Variants in CENPK observed in about 807,000 individuals in gnomAD.
CENPK encodes the protein centromere protein K.
Under a neutral mutation model 40.9 loss-of-function variants are expected in CENPK, and 46 were observed. The ratio of observed to expected loss-of-function variants is 1.13; its 90% confidence interval spans 0.89 to 1.44. The LOEUF is 1.44. Ranked by LOEUF, CENPK falls within the 40% of genes most tolerant of loss-of-function variation. The pLI is 0.00. For synonymous variants in CENPK, 107 were observed against 104.4 expected (o/e 1.02, Z -0.15); for missense variants, 288 against 303.5 (o/e 0.95, Z 0.38).
chr5:65,496,769 A>T, the CENPK span, among the ~76,000 whole-genome samples: 1 of 152,128 alleles, frequency 6.6e-6, no homozygotes, highest in Non-Finnish European at 1.5e-5. Context: ...ATAAAAATAA[A>T]AAGGCTGGGT....
chr5:65,516,334 A>T (rs549176228), downstream of CENPK, among the ~76,000 whole-genome samples: 5 of 152,300 alleles, frequency 3.3e-5, no homozygotes, highest in African/African-American at 1.2e-4. Flanking sequence ...CTATTAATCG[A>T]TCTTTTGTTC....
chr5:65,559,456 C>T (rs1020379813), intron 2 of CENPK, among the ~76,000 whole-genome samples: 28 of 151,396 alleles, frequency 1.8e-4, no homozygotes, highest in Non-Finnish European at 1.6e-4. Flanking sequence ...GGTGAAACCC[C>T]GTCTCTACTA....
intron 2 of CENPK, among the ~76,000 whole-genome samples, chr5:65,557,524 G>A (rs1751191992): frequency 6.6e-6 from 1 of 152,194 alleles, no homozygotes; most frequent in Non-Finnish European, 1.5e-5. Flanking sequence ...GCCCAAAGTA[G>A]CACAAAAGGA....
chr5:65,536,604 C>G (rs1034639186), intron 6 of CENPK, among the ~76,000 whole-genome samples: 3 of 149,982 alleles, frequency 2.0e-5, no homozygotes, highest in Admixed American at 6.7e-5. Context: ...ACCGGGGCAA[C>G]AGAGTAATAA....
chr5:65,504,553 G>T, the CENPK span, among the ~76,000 whole-genome samples: 1 of 150,866 alleles, frequency 6.6e-6, no homozygotes, highest in African/African-American at 2.4e-5. Flanking sequence ...AATGTCTGAA[G>T]ATATGCACTT....
At chr5:65,546,230 C>T (rs375823337) in intron 5 of CENPK, among the ~76,000 whole-genome samples, 2 of 127,514 alleles carry the variant, frequency 1.6e-5, no homozygotes, top group East Asian at 3.4e-4. Context: ...TCTCCCCTGC[C>T]CCCCCGCTCA....
At chr5:65,543,858 C>T (rs1748423185) in intron 5 of CENPK, among the ~76,000 whole-genome samples, 1 of 152,270 alleles carries the variant, frequency 6.6e-6, no homozygotes, top group African/African-American at 2.4e-5. Context: ...TTTCTAAAGA[C>T]ATTTCCATGA....
chr5:65,556,652 T>G (rs1004014307), intron 2 of CENPK, among the ~76,000 whole-genome samples: 8 of 152,308 alleles, frequency 5.3e-5, no homozygotes, highest in Admixed American at 5.2e-4. Context: ...AAATTTAGTA[T>G]AGCCTAAGTG....
At chr5:65,561,423 A>G (rs1464316349) in intron 2 of CENPK, 40 bp downstream of exon 2, 1 of 428,754 alleles carries the variant, frequency 2.3e-6, no homozygotes, top group Non-Finnish European at 4.7e-6. Flanking sequence ...GTGGCAGTAG[A>G]ATAAAAACAT....
intron 2 of CENPK, among the ~76,000 whole-genome samples, chr5:65,559,270 G>C (rs1004888098): frequency 7.2e-5 from 11 of 152,206 alleles, no homozygotes; most frequent in Admixed American, 5.9e-4. Flanking sequence ...TTGAGCTACT[G>C]AATCTTAACC....
At chr5:65,522,511 C>T (rs556699297) in intron 9 of CENPK, among the ~76,000 whole-genome samples, 2 of 152,286 alleles carry the variant, frequency 1.3e-5, no homozygotes, top group East Asian at 3.9e-4. Context: ...CCACTGCAGC[C>T]TCAACTTCCT....
the CENPK span, among the ~76,000 whole-genome samples, chr5:65,506,058 G>T: frequency 6.6e-6 from 1 of 151,982 alleles, no homozygotes; most frequent in Admixed American, 6.6e-5. Context: ...CCTAATTTTG[G>T]TTCATTTGTT....
chr5:65,540,440 T>C (rs1318060372), intron 6 of CENPK, among the ~76,000 whole-genome samples: 1 of 152,224 alleles, frequency 6.6e-6, no homozygotes, highest in Non-Finnish European at 1.5e-5. Flanking sequence ...TATTGTGGTA[T>C]CTTTTCATAT....
At chr5:65,552,952 T>C (rs1356622472) in intron 3 of CENPK, among the ~76,000 whole-genome samples, 2 of 152,096 alleles carry the variant, frequency 1.3e-5, no homozygotes, top group Admixed American at 6.6e-5. Context: ...TTCTGTGCCA[T>C]TAAAAAAGTC....
rs1434817165 is a variant in CENPK, at chr5:65,561,934, CTT to C, written c.-141-372_-141-371del. 2.6e-5 allele frequency among the ~76,000 whole-genome samples: 4 copies of C among 152,056 alleles called. No homozygotes were observed. In the East Asian group the frequency reaches 7.8e-4, roughly 30 times the overall value. On this transcript the variant is annotated intron_variant, in intron 1 of 10. Coordinates refer to ENST00000396679, the MANE Select transcript of CENPK (RefSeq NM_022145.5). ...GCTTTAGCTGTGTAGATGAAAAAGTCTTTGTACTTGTAGAGCTTCCATTCTCA... is the reference window on the plus strand; with the variant it reads ...GCTTTAGCTGTGTAGATGAAAAAGTCTGTACTTGTAGAGCTTCCATTCTCA...
At chr5:65,498,621 C>T in the CENPK span, among the ~76,000 whole-genome samples, 3 of 143,404 alleles carry the variant, frequency 2.1e-5, no homozygotes, top group Non-Finnish European at 4.5e-5. Context: ...TTTTTTCTTT[C>T]TTTTTCTTTT....
Position 65,563,081 on chromosome 5 carries a change from C to T in CENPK, c.-142+17G>A, listed in dbSNP as rs1413512617. 3 of 475,050 alleles carry T rather than the reference C, an allele frequency of 6.3e-6. No homozygotes were observed. Among genetic ancestry groups the T allele is most frequent in the Non-Finnish European group, 1.1e-5 (3 of 266,574 alleles). 29.4% of individuals were successfully genotyped at this position (475,050 alleles called of 1,614,324 possible). A position where few individuals can be genotyped will look rare whatever the true frequency, so the allele number is the denominator to read the frequency against. On this transcript the variant is annotated intron_variant, in intron 1 of 10. Coordinates refer to ENST00000396679, the MANE Select transcript of CENPK (RefSeq NM_022145.5). The stretch of plus-strand genomic sequence containing the variant: ...AAGATTCAACCGTTATATCAACCTC[C>T]CCGGCCCAGGTCTTACCATCACAGC...
the CENPK span, among the ~76,000 whole-genome samples, chr5:65,502,311 A>G: frequency 6.6e-6 from 1 of 152,166 alleles, no homozygotes; most frequent in South Asian, 2.1e-4. Context: ...TCTGGTACGT[A>G]TAAGGCAAAA....
chr5:65,559,329 T>C (rs1209339959), intron 2 of CENPK, among the ~76,000 whole-genome samples: 2 of 152,144 alleles, frequency 1.3e-5, no homozygotes, highest in Non-Finnish European at 2.9e-5. Flanking sequence ...ACAAGCAAAT[T>C]GTAAAATTTA....
Sources: gnomAD v4.1 joint callset for allele counts (sites outside exome capture counted in the v4.1 genomes callset) on GRCh38, gnomAD v4.1.1 for gene constraint, MANE v1.5 for transcripts, NCBI Gene and HGNC (gene_info 2026-07-23, HGNC 2026-07-21) for gene names.